Variants in KIAA1958 observed in about 807,000 individuals in gnomAD.
KIAA1958 encodes the protein uncharacterized protein KIAA1958.
Under a neutral mutation model 47.2 loss-of-function variants are expected in KIAA1958, and 14 were observed. The observed-to-expected ratio is 0.30, with a 90% CI of 0.20 to 0.46. The LOEUF is 0.46. Among genes scored for constraint, KIAA1958 ranks in the 20% least tolerant of loss-of-function variants. The pLI, the probability that KIAA1958 is intolerant of heterozygous loss-of-function variation, is 1.00. For missense variants in KIAA1958, 803 were observed against 909.2 expected (o/e 0.88, Z 1.50); for synonymous variants, 354 against 353.3 (o/e 1.00, Z -0.02).
chr9:112,504,024 T>G (rs542226842), intron 1 of KIAA1958, among the ~76,000 whole-genome samples: 4 of 152,158 alleles, frequency 2.6e-5, no homozygotes, highest in Non-Finnish European at 5.9e-5. Context: ...ATTTCTGTCT[T>G]TTAATACCTT....
intron 2 of KIAA1958, among the ~76,000 whole-genome samples, chr9:112,622,996 T>C (rs566094322): frequency 1.3e-5 from 2 of 152,340 alleles, no homozygotes; most frequent in Non-Finnish European, 2.9e-5. Flanking sequence ...ATGCTAATAC[T>C]ATTTTGCATA....
chr9:112,500,791 AGGTT>A (rs1445363224), intron 1 of KIAA1958, among the ~76,000 whole-genome samples: 4 of 152,240 alleles, frequency 2.6e-5, no homozygotes, highest in African/African-American at 9.6e-5. Context: ...ACTGATAAAA[AGGTT>A]AGTTGGTTTG....
intron 1 of KIAA1958, among the ~76,000 whole-genome samples, chr9:112,503,210 C>T (rs1388277964): frequency 6.6e-6 from 1 of 152,196 alleles, no homozygotes; most frequent in Non-Finnish European, 1.5e-5. Flanking sequence ...CAAGGAATAT[C>T]TCACAGAGAA....
At chr9:112,501,515 A>G (rs575145516) in intron 1 of KIAA1958, among the ~76,000 whole-genome samples, 3 of 152,348 alleles carry the variant, frequency 2.0e-5, no homozygotes, top group South Asian at 2.1e-4. Context: ...CAGGGCTGCA[A>G]TGGAGAATAA....
intron 2 of KIAA1958, among the ~76,000 whole-genome samples, chr9:112,584,693 C>G (rs1279185112): frequency 6.6e-6 from 1 of 152,148 alleles, no homozygotes; most frequent in Non-Finnish European, 1.5e-5. Flanking sequence ...CTATGCAGTA[C>G]TTTTATTCGA....
intron 1 of KIAA1958, among the ~76,000 whole-genome samples, chr9:112,512,808 C>G (rs952863413): frequency 6.6e-6 from 1 of 151,580 alleles, no homozygotes; most frequent in Non-Finnish European, 1.5e-5. Context: ...GAGGAAGACA[C>G]CAGAGCAGTC....
chr9:112,641,208 T>C (rs1049507381), intron 2 of KIAA1958, among the ~76,000 whole-genome samples: 2 of 152,208 alleles, frequency 1.3e-5, no homozygotes, highest in South Asian at 2.1e-4. Context: ...GCTTGGATGC[T>C]ACTTCTTTCA....
In KIAA1958 at chr9:112,663,203, A is replaced by G. The variant is rs1052117812; in HGVS notation, c.*3134A>G. The G allele has an allele frequency of 1.3e-5, 2 of 152,156 alleles. No homozygotes were observed. Among genetic ancestry groups the G allele is most frequent in the African/African-American group, 4.8e-5 (2 of 41,372 alleles). 9.4% of individuals were successfully genotyped at this position (152,156 alleles called of 1,614,324 possible). A position where few individuals can be genotyped will look rare whatever the true frequency, so the allele number is the denominator to read the frequency against. On this transcript the variant is annotated 3_prime_UTR_variant, in exon 4 of 4. Coordinates refer to ENST00000337530, the MANE Select transcript of KIAA1958 (RefSeq NM_133465.4). ...TGAGCTGTTGTCCACAGCACCTTTC[A>G]TATCTGCTGTAAAGGGAGCCCTACT...
chr9:112,490,500 T>G (rs1444440081), intron 1 of KIAA1958, among the ~76,000 whole-genome samples: 1 of 152,236 alleles, frequency 6.6e-6, no homozygotes, highest in African/African-American at 2.4e-5. Context: ...CTGCCTGTGC[T>G]CTGGTCCGTT....
intron 1 of KIAA1958, among the ~76,000 whole-genome samples, chr9:112,492,407 C>T (rs757683562): frequency 6.6e-6 from 1 of 152,166 alleles, no homozygotes; most frequent in Non-Finnish European, 1.5e-5. Flanking sequence ...ACCTCTATTC[C>T]AGGCCTTACT....
rs902148603 is a variant in KIAA1958, at chr9:112,532,044, C to A, written c.-24-42013C>A. On this transcript the variant is annotated intron_variant, in intron 1 of 3. Coordinates refer to ENST00000337530, the MANE Select transcript of KIAA1958 (RefSeq NM_133465.4). The stretch of plus-strand genomic sequence containing the variant: ...AGGAGACTGATGACCTCAATAGATA[C>A]CTTGGGGAGCCTGTTTGGATTAAAA... 2.0e-5 allele frequency among the ~76,000 whole-genome samples: 3 copies of A among 152,150 alleles called. No homozygotes were observed. In the South Asian group the frequency reaches 6.2e-4, roughly 32 times the overall value.
At chr9:112,523,703 C>A (rs796437241) in intron 1 of KIAA1958, among the ~76,000 whole-genome samples, 9 of 152,272 alleles carry the variant, frequency 5.9e-5, no homozygotes, top group African/African-American at 2.2e-4. Flanking sequence ...CCACATGTAT[C>A]AAATATGCCC....
intron 1 of KIAA1958, among the ~76,000 whole-genome samples, chr9:112,511,035 G>A (rs905981916): frequency 6.6e-6 from 1 of 152,054 alleles, no homozygotes; most frequent in Non-Finnish European, 1.5e-5. Flanking sequence ...GAGGTAGGCA[G>A]GTAGAGGTAG....
At chr9:112,554,795 C>T (rs1367144735) in intron 1 of KIAA1958, among the ~76,000 whole-genome samples, 1 of 152,054 alleles carries the variant, frequency 6.6e-6, no homozygotes, top group East Asian at 1.9e-4. Context: ...AGTTTCATTG[C>T]ACAGCCTGAT....
rs762512491 is a variant in KIAA1958, at chr9:112,660,120, G to T, written c.*51G>T. On this transcript the variant is annotated 3_prime_UTR_variant, in exon 4 of 4. Coordinates refer to ENST00000337530, the MANE Select transcript of KIAA1958 (RefSeq NM_133465.4). ...CCTGTCACCTGCTCGGGCCAGCCAG[G>T]GTTGGAGCAGCTGGAGCTCCTTGGA... is the stretch of plus-strand genomic sequence containing the variant. The T allele has an allele frequency of 8.5e-6, 13 of 1,536,364 alleles. No individual in the cohort carries two copies. The highest frequency in any genetic ancestry group is 1.1e-5 in the Non-Finnish European group (12 of 1,126,930).
At chr9:112,493,267 G>A (rs1204905091) in intron 1 of KIAA1958, among the ~76,000 whole-genome samples, 4 of 151,586 alleles carry the variant, frequency 2.6e-5, no homozygotes, top group Non-Finnish European at 5.9e-5. Flanking sequence ...ATATCTAGTC[G>A]GGGCTTTTCT....
At chr9:112,655,685 C>T (rs1223203836) in intron 3 of KIAA1958, among the ~76,000 whole-genome samples, 1 of 152,138 alleles carries the variant, frequency 6.6e-6, no homozygotes, top group Non-Finnish European at 1.5e-5. Context: ...GAGAGAGGGG[C>T]TTAAAAAGGG....
At chr9:112,563,085 C>CTCTATATATATATATATATATA in intron 1 of KIAA1958, among the ~76,000 whole-genome samples, 1 of 131,560 alleles carries the variant, frequency 7.6e-6, no homozygotes, top group East Asian at 2.1e-4. Flanking sequence ...CTCTCTCTCT[C>CTCTATATATATATATATATATA]TATATATATA....
At chr9:112,512,221 A>G (rs1248162652) in intron 1 of KIAA1958, among the ~76,000 whole-genome samples, 2 of 152,208 alleles carry the variant, frequency 1.3e-5, no homozygotes, top group Non-Finnish European at 2.9e-5. Context: ...AAAAGTACAG[A>G]CCAATATTTC....
Sources: allele counts gnomAD v4.1 joint callset (sites outside exome capture counted in the v4.1 genomes callset), GRCh38; gene constraint gnomAD v4.1.1; transcripts MANE v1.5; gene names NCBI Gene and HGNC (gene_info 2026-07-23, HGNC 2026-07-21).